TBC1D8: variants seen among roughly 807,000 people sequenced by gnomAD.
TBC1D8 encodes the protein BUB2-like protein 1.
In TBC1D8, 65 loss-of-function variants were observed where a neutral mutation model predicts 118.8. That is an observed-to-expected ratio of 0.55 (90% CI 0.45 to 0.67). The LOEUF (loss-of-function observed/expected upper bound fraction) is 0.67. TBC1D8 is among the 30% of genes least tolerant of loss of function. The pLI, the probability that TBC1D8 is intolerant of heterozygous loss-of-function variation, is 0.00. For synonymous variants in TBC1D8, 566 were observed against 595.8 expected, an observed-to-expected ratio of 0.95 and a Z score of 0.73; for missense variants, 1,376 against 1,471.2, an observed-to-expected ratio of 0.94 and a Z score of 1.06.
Position 101,028,054 on chromosome 2 carries a change from C to T in TBC1D8, c.2445G>A (p.Gln815=). 2 of 1,614,024 alleles carry T rather than the reference C, an allele frequency of 1.2e-6. No individual in the cohort carries two copies. The highest frequency in any genetic ancestry group is 2.2e-5 in the South Asian group (2 of 91,088). The change falls in exon 14 of 20, where the codon CAG becomes CAA. Residue 815 remains glutamine (Q), a synonymous_variant. Coordinates refer to ENST00000409318, the MANE Select transcript of TBC1D8 (RefSeq NM_001330348.2). ...VLQGHEDTTK[Q]NVLRVVIPEV... ...TGAGGCGTCTGCTACCCACCACGTT[C>T]TGCTTTGTGGTGTCCTCGTGGCCTT...
chr2:101,017,034 C>T (rs1287355969), intron 17 of TBC1D8, among the ~76,000 whole-genome samples: 1 of 151,266 alleles, frequency 6.6e-6, no homozygotes, highest in African/African-American at 2.4e-5. Flanking sequence ...ATGTAACTAA[C>T]CTGCACATTG....
intron 1 of TBC1D8, among the ~76,000 whole-genome samples, chr2:101,108,732 A>AC (rs1677390826): frequency 1.4e-5 from 1 of 73,480 alleles, no homozygotes; most frequent in Non-Finnish European, 2.8e-5. Flanking sequence ...CTCCCCACCC[A>AC]CCATTACTCC....
intron 1 of TBC1D8, 99 bp from the exon 2 acceptor site, chr2:101,090,463 G>T (rs1294115749): frequency 2.3e-6 from 3 of 1,297,666 alleles, no homozygotes; most frequent in East Asian, 4.9e-5. Context: ...TCCATGCTGG[G>T]GTAGCAGAGA....
chr2:101,081,045 G>A (rs1164284322), intron 2 of TBC1D8, among the ~76,000 whole-genome samples: 1 of 152,038 alleles, frequency 6.6e-6, no homozygotes, highest in African/African-American at 2.4e-5. Context: ...CAAAGTACTG[G>A]GATTATGGGA....
chr2:101,011,374 G>A (rs1363437399), intron 18 of TBC1D8, 77 bp downstream of exon 18: 4 of 1,397,044 alleles, frequency 2.9e-6, no homozygotes, highest in Non-Finnish European at 4.1e-6. Flanking sequence ...TACAAGAAGA[G>A]GGATGAGGGC....
chr2:101,026,771 A>G (rs1680364955), intron 15 of TBC1D8, among the ~76,000 whole-genome samples: 1 of 152,256 alleles, frequency 6.6e-6, no homozygotes, highest in Non-Finnish European at 1.5e-5. Flanking sequence ...AATGTGCCTG[A>G]AGATGTTCTT....
At chr2:101,081,465 GC>G (rs1675262007) in intron 2 of TBC1D8, among the ~76,000 whole-genome samples, 1 of 152,224 alleles carries the variant, frequency 6.6e-6, no homozygotes, top group Non-Finnish European at 1.5e-5. Context: ...TACTGGAGCA[GC>G]CCAGAGTCCA....
At chr2:101,027,257 G>A in intron 15 of TBC1D8, 126 bp downstream of exon 15, 2 of 778,534 alleles carry the variant, frequency 2.6e-6, no homozygotes, top group Admixed American at 2.3e-5. Flanking sequence ...GCTTCAAGGG[G>A]GGCAGCTCCG....
At chr2:101,023,589 C>T (rs1274833808) in intron 15 of TBC1D8, 4 of 426,046 alleles carry the variant, frequency 9.4e-6, no homozygotes, top group South Asian at 5.4e-5. Flanking sequence ...TTTCTCAATT[C>T]TGAACCACAT....
chr2:101,145,178 C>T (rs898236192), intron 1 of TBC1D8, among the ~76,000 whole-genome samples: 1 of 152,144 alleles, frequency 6.6e-6, no homozygotes, highest in African/African-American at 2.4e-5. Flanking sequence ...TGACACAGTC[C>T]GTGCCTTGTT....
chr2:101,066,641 T>G (rs554266705), intron 2 of TBC1D8, among the ~76,000 whole-genome samples: 2 of 152,182 alleles, frequency 1.3e-5, no homozygotes, highest in Admixed American at 1.3e-4. Flanking sequence ...CACACAAATG[T>G]TTTGCCTTCC....
chr2:101,062,441 A>G (rs950284159), intron 2 of TBC1D8, among the ~76,000 whole-genome samples: 3 of 152,212 alleles, frequency 2.0e-5, no homozygotes, highest in Non-Finnish European at 2.9e-5. Flanking sequence ...AGAAGAACTA[A>G]AGCAGGGAGA....
At chr2:101,107,010 G>A (rs1031905993) in intron 1 of TBC1D8, among the ~76,000 whole-genome samples, 2 of 152,214 alleles carry the variant, frequency 1.3e-5, no homozygotes, top group African/African-American at 4.8e-5. Flanking sequence ...TTTTGACGAT[G>A]ATATTTTCAA....
At chr2:101,125,696 C>T (rs1169255483) in intron 1 of TBC1D8, among the ~76,000 whole-genome samples, 1 of 152,148 alleles carries the variant, frequency 6.6e-6, no homozygotes. Flanking sequence ...GAGGTATAGA[C>T]GCACCTTTAT....
chr2:101,040,948 C>T (rs1681351393), intron 5 of TBC1D8, among the ~76,000 whole-genome samples: 1 of 152,242 alleles, frequency 6.6e-6, no homozygotes, highest in Non-Finnish European at 1.5e-5. Flanking sequence ...AATAAACTCA[C>T]AGGCCAAATA....
At chr2:101,084,917 C>G (rs1675509493) in intron 2 of TBC1D8, among the ~76,000 whole-genome samples, 1 of 149,114 alleles carries the variant, frequency 6.7e-6, no homozygotes, top group Admixed American at 6.7e-5. Flanking sequence ...GGCTCGATCT[C>G]CGCTCACTGC....
rs778796706 is a variant in TBC1D8 at position 101,022,357 on chromosome 2, G to A, written c.2685C>T (p.Leu895=). Residue 895 remains leucine, a synonymous_variant, in exon 16 of 20, where the codon CTC becomes CTT. Coordinates refer to ENST00000409318, the MANE Select transcript of TBC1D8 (RefSeq NM_001330348.2). The part of the protein sequence containing the change: ...PWTCGAHTEI[L]AERTFRLLDD... ...CCAAGAGCCTGAACGTCCTTTCGGC[G>A]AGGATCTCCGTGTGGGCCCCGCAGG... is the stretch of plus-strand genomic sequence containing the variant. 24 of 1,612,372 alleles carry A rather than the reference G, an allele frequency of 1.5e-5. No individual in the cohort carries two copies. The highest frequency in any genetic ancestry group is 6.7e-5 in the East Asian group (3 of 44,872).
chr2:101,023,558 T>C (rs185309036), intron 15 of TBC1D8: 206 of 392,856 alleles, frequency 5.2e-4, no homozygotes, highest in African/African-American at 3.8e-3. Flanking sequence ...AGTGAGACTT[T>C]TTATTGCATA....
intron 1 of TBC1D8, among the ~76,000 whole-genome samples, chr2:101,118,978 C>T (rs1365607142): frequency 1.3e-5 from 2 of 152,136 alleles, no homozygotes; most frequent in Non-Finnish European, 2.9e-5. Flanking sequence ...CCACTACACT[C>T]CAGCCTGGAT....
Sources: allele counts gnomAD v4.1 joint callset (sites outside exome capture counted in the v4.1 genomes callset), GRCh38; gene constraint gnomAD v4.1.1; transcripts MANE v1.5; gene names NCBI Gene and HGNC (gene_info 2026-07-23, HGNC 2026-07-21).